WDR44: variants seen among roughly 807,000 people sequenced by gnomAD.
WDR44 encodes the protein WD repeat domain 44.
WDR44 carries 9 observed loss-of-function variants against 65.7 expected under a neutral mutation model. That is an observed-to-expected ratio of 0.14 (90% CI 0.08 to 0.24). The LOEUF (loss-of-function observed/expected upper bound fraction) is 0.24. Among genes scored for constraint, WDR44 ranks in the 10% least tolerant of loss-of-function variants. The probability of loss-of-function intolerance (pLI) is 1.00; values close to 1 mark genes in which losing one functional copy is unlikely to be tolerated. For missense variants in WDR44, 425 were observed against 670.9 expected, an observed-to-expected ratio of 0.63 and a Z score of 4.05; for synonymous variants, 220 against 235.2, an observed-to-expected ratio of 0.94 and a Z score of 0.59.
At chrX:118,418,246 G>A (rs1034175151) in intron 12 of WDR44, among the ~76,000 whole-genome samples, 7 of 111,145 alleles carry the variant, frequency 6.3e-5, no homozygotes, top group Admixed American at 1.9e-4. Context: ...TGATTTTTCG[G>A]GGGTTGTTAA....
In WDR44 at chrX:118,438,082, G is replaced by A. The variant is rs902621568; in HGVS notation, c.1974+1258G>A. On this transcript the variant is annotated intron_variant, in intron 14 of 19. Transcript: ENST00000254029. ...TTGGTTAAGAATTTTGGTGGCTCAC[G>A]CCTATAATCTCCGCACTTTGGGAGG... is the stretch of plus-strand genomic sequence containing the variant. Among the ~76,000 whole-genome samples the A allele has an allele frequency of 2.7e-5, 3 of 110,469 alleles. No individual in the cohort carries two copies. The Admixed American group carries it at 2.9e-4, about 11-fold the overall frequency.
At chrX:118,404,790 TC>T (rs769753642) in intron 9 of WDR44, among the ~76,000 whole-genome samples, 5 of 110,938 alleles carry the variant, frequency 4.5e-5, no homozygotes, top group African/African-American at 1.6e-4. Flanking sequence ...AAGCTCCACC[TC>T]CCAGGTTCAC....
chrX:118,423,586 C>T (rs1161954100), intron 12 of WDR44, among the ~76,000 whole-genome samples: 1 of 112,090 alleles, frequency 8.9e-6, no homozygotes, highest in Non-Finnish European at 1.9e-5. Flanking sequence ...GAAACCATCA[C>T]CACCGTCTGT....
intron 1 of WDR44, among the ~76,000 whole-genome samples, chrX:118,377,984 T>C (rs5956044): frequency 0.012 from 1,334 of 109,730 alleles, 17 homozygotes; most frequent in African/African-American, 0.042. Flanking sequence ...TGAGATGGAG[T>C]CTCGCTCTGT....
At chrX:118,444,910 A>G (rs201497439) in intron 19 of WDR44, 247 of 326,299 alleles carry the variant, frequency 7.6e-4, no homozygotes, top group Middle Eastern at 1.4e-3. Context: ...TCTTGTTTGC[A>G]ACTTAATGGT....
intron 1 of WDR44, among the ~76,000 whole-genome samples, chrX:118,360,679 G>A (rs748849350): frequency 8.9e-6 from 1 of 112,093 alleles, no homozygotes; most frequent in East Asian, 2.8e-4. Flanking sequence ...GAATCCTAGC[G>A]CCTTCTTTGT....
intron 12 of WDR44, among the ~76,000 whole-genome samples, chrX:118,430,459 T>C (rs1002303300): frequency 5.6e-5 from 6 of 107,761 alleles, no homozygotes; most frequent in African/African-American, 1.7e-4. Flanking sequence ...GGAGAATCAC[T>C]TGAACCCAGA....
At chrX:118,447,913 T>C (rs1028747120) in intron 19 of WDR44, among the ~76,000 whole-genome samples, 10 of 93,394 alleles carry the variant, frequency 1.1e-4, no homozygotes, top group Non-Finnish European at 2.1e-4. Context: ...TATATATATA[T>C]ACTTGTATGT....
At chrX:118,413,365 T>A (rs1259734512) in intron 12 of WDR44, among the ~76,000 whole-genome samples, 4 of 112,260 alleles carry the variant, frequency 3.6e-5, no homozygotes, top group Non-Finnish European at 7.5e-5. Context: ...ATTTTTTGAT[T>A]TTTTATTATG....
Position 118,443,703 on chromosome X carries a change from C to G in WDR44, c.2512+16C>G, listed in dbSNP as rs760320293. Reference sequence around the variant, plus strand: ...GGTATTAAAGGTAAGTACATACTTGCTTTTGTGTGTCTTATAAGAGAATCA... The same window carrying G: ...GGTATTAAAGGTAAGTACATACTTGGTTTTGTGTGTCTTATAAGAGAATCA... On this transcript the variant is annotated intron_variant, in intron 18 of 19. Transcript: ENST00000254029. 8.5e-7 allele frequency: 1 copy of G among 1,183,319 alleles called. No homozygotes were observed. Among genetic ancestry groups the G allele is most frequent in the Non-Finnish European group, 1.1e-6 (1 of 880,517 alleles).
intron 10 of WDR44, among the ~76,000 whole-genome samples, chrX:118,407,593 T>A (rs763975047): frequency 3.3e-4 from 37 of 112,288 alleles, no homozygotes; most frequent in Middle Eastern, 9.3e-3. Context: ...CACCAAACTT[T>A]AAAGCAGTTA....
chrX:118,353,443 G>T (rs963044958), intron 1 of WDR44, among the ~76,000 whole-genome samples: 5 of 111,889 alleles, frequency 4.5e-5, no homozygotes, highest in African/African-American at 1.3e-4. Context: ...ATCAGGTTCT[G>T]CCAGAGCGCT....
At chrX:118,378,762 G>T (rs1288786254) in intron 2 of WDR44, among the ~76,000 whole-genome samples, 2 of 97,468 alleles carry the variant, frequency 2.1e-5, no homozygotes, top group Non-Finnish European at 3.9e-5. Flanking sequence ...GGCCAGGCAT[G>T]GTGGCTCACA....
chrX:118,390,768 C>T (rs895628717), intron 3 of WDR44, among the ~76,000 whole-genome samples: 1 of 112,170 alleles, frequency 8.9e-6, no homozygotes, highest in Non-Finnish European at 1.9e-5. Flanking sequence ...TCTTTCACTT[C>T]CTTTACCTAC....
At chrX:118,364,112 A>G (rs935191259) in intron 1 of WDR44, among the ~76,000 whole-genome samples, 1 of 112,477 alleles carries the variant, frequency 8.9e-6, no homozygotes, top group African/African-American at 3.2e-5. Context: ...GGAACAAAAA[A>G]TCAGAAATCT....
At chrX:118,440,455 C>T (rs1421674280) in intron 14 of WDR44, among the ~76,000 whole-genome samples, 1 of 111,303 alleles carries the variant, frequency 9.0e-6, no homozygotes, top group Non-Finnish European at 1.9e-5. Flanking sequence ...AAGTAATTCT[C>T]TGTTGACATG....
intron 1 of WDR44, among the ~76,000 whole-genome samples, chrX:118,371,804 T>C (rs1312157405): frequency 9.0e-6 from 1 of 111,152 alleles, no homozygotes; most frequent in African/African-American, 3.3e-5. Flanking sequence ...TACTCAAATA[T>C]GTCTACATGT....
intron 1 of WDR44, among the ~76,000 whole-genome samples, chrX:118,368,820 G>A (rs1309394248): frequency 2.0e-5 from 2 of 99,490 alleles, no homozygotes; most frequent in Non-Finnish European, 4.0e-5. Flanking sequence ...GGGTTCAAGC[G>A]ACACTCCTGC....
chrX:118,374,097 C>A (rs2056636947), intron 1 of WDR44, among the ~76,000 whole-genome samples: 1 of 108,518 alleles, frequency 9.2e-6, no homozygotes. Flanking sequence ...TAGCCCCCCA[C>A]CCCCTGACAG....
Sources: allele counts gnomAD v4.1 joint callset (sites outside exome capture counted in the v4.1 genomes callset), GRCh38; gene constraint gnomAD v4.1.1; transcripts MANE v1.5; gene names NCBI Gene and HGNC (gene_info 2026-07-23, HGNC 2026-07-21).